SYN3: variants seen among roughly 807,000 people sequenced by gnomAD.
SYN3 encodes the protein synapsin-3.
Under a neutral mutation model 65.8 loss-of-function variants are expected in SYN3, and 35 were observed. The observed-to-expected ratio is 0.53, with a 90% CI of 0.41 to 0.70. The LOEUF is 0.70. Ranked by LOEUF, SYN3 falls within the 30% of genes least tolerant of loss-of-function variation. The pLI, the probability that SYN3 is intolerant of heterozygous loss-of-function variation, is 0.00. For missense variants in SYN3, 680 were observed against 749.0 expected (o/e 0.91, Z 1.08); for synonymous variants, 270 against 292.9 (o/e 0.92, Z 0.80).
chr22:32,561,903 C>A (rs1601637835), intron 7 of SYN3, among the ~76,000 whole-genome samples: 1 of 152,180 alleles, frequency 6.6e-6, no homozygotes, highest in East Asian at 1.9e-4. Context: ...GCCTGCACAG[C>A]AAAGCCACAT....
intron 3 of SYN3, among the ~76,000 whole-genome samples, chr22:32,939,908 A>T (rs1371594469): frequency 6.6e-6 from 1 of 152,188 alleles, no homozygotes; most frequent in Non-Finnish European, 1.5e-5. Flanking sequence ...ATAGGCATAC[A>T]GGATTTAGAA....
At chr22:32,689,281 G>A (rs2060632507) in intron 6 of SYN3, among the ~76,000 whole-genome samples, 1 of 152,142 alleles carries the variant, frequency 6.6e-6, no homozygotes, top group Admixed American at 6.5e-5. Context: ...AATGACTTCT[G>A]GACATTGGAG....
chr22:32,825,922 C>G lies in SYN3; in HGVS notation c.711+38993G>C, dbSNP rs1042725179. ...GATTGAAATAAACCAGATCACCAAGCACATTTTGGATGATTCTATTAGCAG... is the reference window on the plus strand; with the variant it reads ...GATTGAAATAAACCAGATCACCAAGGACATTTTGGATGATTCTATTAGCAG... On this transcript the variant is annotated intron_variant, in intron 6 of 13. Coordinates refer to ENST00000358763, the MANE Select transcript of SYN3 (RefSeq NM_003490.4). Among the ~76,000 whole-genome samples the G allele has an allele frequency of 2.0e-5, 3 of 152,168 alleles. No homozygotes were observed. The East Asian group carries it at 5.8e-4, about 29-fold the overall frequency.
intron 12 of SYN3, among the ~76,000 whole-genome samples, chr22:32,523,286 G>A (rs1211295642): frequency 1.3e-5 from 2 of 152,184 alleles, no homozygotes; most frequent in Admixed American, 6.5e-5. Flanking sequence ...GCCAAGGCAG[G>A]CGGATCACAA....
intron 6 of SYN3, among the ~76,000 whole-genome samples, chr22:32,817,359 A>G (rs1359667292): frequency 6.6e-6 from 1 of 152,202 alleles, no homozygotes; most frequent in Non-Finnish European, 1.5e-5. Context: ...GTGTTCTCTG[A>G]ACATATCTAG....
chr22:32,700,324 A>G (rs2060794379), intron 6 of SYN3, among the ~76,000 whole-genome samples: 1 of 152,142 alleles, frequency 6.6e-6, no homozygotes, highest in Non-Finnish European at 1.5e-5. Context: ...GCCTCCCTGG[A>G]AGGGATGTGG....
chr22:33,018,017 A>C (rs2053498682), intron 1 of SYN3, among the ~76,000 whole-genome samples: 1 of 152,212 alleles, frequency 6.6e-6, no homozygotes, highest in Non-Finnish European at 1.5e-5. Context: ...GAGGGGTCAG[A>C]TCATGAAGGG....
chr22:32,626,155 G>A (rs189013355), intron 6 of SYN3, among the ~76,000 whole-genome samples: 1 of 152,252 alleles, frequency 6.6e-6, no homozygotes, highest in Non-Finnish European at 1.5e-5. Context: ...GAAGAGGCTG[G>A]GCTTGGGAGG....
At chr22:32,537,245 C>G (rs912884822) in intron 9 of SYN3, among the ~76,000 whole-genome samples, 4 of 151,982 alleles carry the variant, frequency 2.6e-5, no homozygotes, top group African/African-American at 9.7e-5. Context: ...CCGCAACCTC[C>G]GCCTCCTGGG....
chr22:32,868,980 T>C lies in SYN3; in HGVS notation c.607A>G (p.Ser203Gly). The C allele has an allele frequency of 2.5e-6, 4 of 1,613,954 alleles. No homozygotes were observed. The change falls in exon 5 of 14, where the codon AGC becomes GGC. Residue 203 changes from serine (S) to glycine (G), a missense_variant. Physicochemically the swap from Ser to Gly is moderately conservative, Grantham distance 56. Transcript: ENST00000358763. The part of the protein sequence containing the change: ...NSLYSVYNFC[S>G]KPWVFSQLIK... ...CTGTCACCTACCACCCAGGGCTTGC[T>C]GCAGAAGTTGTAGACGGAGTAGAGA...
chr22:32,621,238 G>C (rs2059588973), intron 6 of SYN3, among the ~76,000 whole-genome samples: 1 of 151,970 alleles, frequency 6.6e-6, no homozygotes, highest in African/African-American at 2.4e-5. Context: ...GCTTTAGGAG[G>C]GTCAGGCAGG....
chr22:32,686,778 G>A (rs2147136110), intron 6 of SYN3, among the ~76,000 whole-genome samples: 1 of 151,890 alleles, frequency 6.6e-6, no homozygotes, highest in East Asian at 1.9e-4. Context: ...TGTATTTTTA[G>A]TACAGATGGT....
intron 7 of SYN3, among the ~76,000 whole-genome samples, chr22:32,565,933 C>T (rs1007390062): frequency 3.3e-5 from 5 of 151,960 alleles, no homozygotes; most frequent in Non-Finnish European, 5.9e-5. Flanking sequence ...AGGATGGTCT[C>T]GAACTCCTGA....
intron 6 of SYN3, among the ~76,000 whole-genome samples, chr22:32,810,458 G>C (rs955554938): frequency 4.7e-5 from 7 of 150,362 alleles, no homozygotes; most frequent in African/African-American, 1.7e-4. Context: ...AAAGCTGTAC[G>C]ATCTGGCCTC....
intron 6 of SYN3, among the ~76,000 whole-genome samples, chr22:32,712,847 T>C (rs1202338073): frequency 6.6e-6 from 1 of 152,156 alleles, no homozygotes; most frequent in East Asian, 1.9e-4. Context: ...ATCCCTGTTT[T>C]ATCTGCAGTC....
At chr22:32,818,635 G>A (rs879316189) in intron 6 of SYN3, among the ~76,000 whole-genome samples, 1 of 152,188 alleles carries the variant, frequency 6.6e-6, no homozygotes, top group Non-Finnish European at 1.5e-5. Flanking sequence ...TTGCTCCCAG[G>A]GCTGGGTGTT....
At chr22:32,939,843 T>C (rs962088367) in intron 3 of SYN3, among the ~76,000 whole-genome samples, 1 of 152,210 alleles carries the variant, frequency 6.6e-6, no homozygotes. Flanking sequence ...TTGGTGGACA[T>C]ATACATTCAT....
rs2048648533 is a variant in SYN3 at position 32,864,909 on chromosome 22, A to G, written c.711+6T>C. Reference sequence around the variant, plus strand: ...GCAAAGAAACAGAGTAAAAAAGGGCACTCACCATTGGCTTATGGTTGGGGA... The same window carrying G: ...GCAAAGAAACAGAGTAAAAAAGGGCGCTCACCATTGGCTTATGGTTGGGGA... On this transcript the variant is annotated splice_donor_region_variant and intron_variant, in intron 6 of 13. Transcript: ENST00000358763. 1 of 1,612,158 alleles carries G rather than the reference A, an allele frequency of 6.2e-7. No individual in the cohort carries two copies. The highest frequency in any genetic ancestry group is 8.5e-7 in the Non-Finnish European group (1 of 1,178,378).
Position 32,920,996 on chromosome 22 carries a change from A to G in SYN3, c.461+10394T>C, listed in dbSNP as rs997220282. 5.9e-5 allele frequency among the ~76,000 whole-genome samples: 9 copies of G among 152,224 alleles called. No individual in the cohort carries two copies. In the South Asian group the frequency reaches 1.9e-3, roughly 32 times the overall value. ...TAAACCTACTAGATTTAGTCTAGAAATTCTATTCTCTCCTTTTGTCCCTTC... is the reference window on the plus strand; with the variant it reads ...TAAACCTACTAGATTTAGTCTAGAAGTTCTATTCTCTCCTTTTGTCCCTTC... On this transcript the variant is annotated intron_variant, in intron 4 of 13. Transcript: ENST00000358763.
Sources: allele counts gnomAD v4.1 joint callset (sites outside exome capture counted in the v4.1 genomes callset), GRCh38; gene constraint gnomAD v4.1.1; transcripts MANE v1.5; gene names NCBI Gene and HGNC (gene_info 2026-07-23, HGNC 2026-07-21).